The following UGGT2 variants were observed in gnomAD, a reference collection of about 807,000 sequenced individuals.
UGGT2 encodes the protein UDP-glucose:glycoprotein glucosyltransferase 2.
UGGT2 carries 180 observed loss-of-function variants against 192.1 expected under a neutral mutation model. That is an observed-to-expected ratio of 0.94 (90% CI 0.83 to 1.06). UGGT2 has a LOEUF of 1.06. Ranked by LOEUF, UGGT2 falls within the 50% of genes least tolerant of loss-of-function variation. The pLI is 0.00. For synonymous variants in UGGT2, 580 were observed against 591.0 expected (o/e 0.98, Z 0.27); for missense variants, 1,849 against 1,795.7 (o/e 1.03, Z -0.54).
rs9525086 is a variant in UGGT2, at chr13:95,927,208, T to G, written c.2101+5A>C. On this transcript the variant is annotated splice_donor_5th_base_variant and intron_variant, in intron 18 of 38. Coordinates refer to ENST00000376747, the MANE Select transcript of UGGT2 (RefSeq NM_020121.4). ...CATTTGTAGAACAGTATAGGATTAT[T>G]TTACCTGATGTAGATATTAAATTGA... is the stretch of plus-strand genomic sequence containing the variant. 6.2e-7 allele frequency: 1 copy of G among 1,610,562 alleles called. No homozygotes were observed. Among genetic ancestry groups the G allele is most frequent in the East Asian group, 2.2e-5 (1 of 44,710 alleles).
intron 4 of UGGT2, among the ~76,000 whole-genome samples, chr13:96,020,742 G>A (rs571238083): frequency 2.6e-5 from 4 of 152,200 alleles, no homozygotes; most frequent in African/African-American, 4.8e-5. Flanking sequence ...GGGCCCTTAC[G>A]AACTTCCTCT....
chr13:95,999,268 C>T lies in UGGT2; in HGVS notation c.700G>A (p.Val234Met), dbSNP rs769188689. The T allele has an allele frequency of 1.9e-6, 3 of 1,613,656 alleles. No individual in the cohort carries two copies. The highest frequency in any genetic ancestry group is 2.2e-5 in the East Asian group (1 of 44,794). ...TCTGTACTCTTAATTGCTAGCTCCA[C>T]ACCATACCCAGATAAGTACATTTTC... Reference protein sequence around the residue: ...SRKMYLSGYGVELAIKSTEYK... With the variant: ...SRKMYLSGYGMELAIKSTEYK... Residue 234 changes from valine (V) to methionine (M), a missense_variant, in exon 6 of 39, where the codon GTG becomes ATG. Val to Met is a conservative substitution (Grantham distance 21, BLOSUM62 1). Transcript: ENST00000376747.
At chr13:96,018,012 C>G (rs1024986828) in intron 4 of UGGT2, among the ~76,000 whole-genome samples, 1 of 152,164 alleles carries the variant, frequency 6.6e-6, no homozygotes, top group African/African-American at 2.4e-5. Context: ...AACTTTGTAT[C>G]ATACATAAAT....
chr13:95,938,471 G>C (rs2049543525), intron 16 of UGGT2, among the ~76,000 whole-genome samples: 1 of 152,172 alleles, frequency 6.6e-6, no homozygotes, highest in African/African-American at 2.4e-5. Context: ...AACAGATACA[G>C]AGAGATTAAA....
intron 7 of UGGT2, chr13:95,990,667 G>A (rs1219385768): frequency 6.6e-6 from 1 of 152,058 alleles, no homozygotes; most frequent in Non-Finnish European, 1.5e-5. Flanking sequence ...TGCCATTTCA[G>A]ATTTAAATGG....
At chr13:95,850,342 G>A (rs768801268) in intron 36 of UGGT2, among the ~76,000 whole-genome samples, 6 of 152,190 alleles carry the variant, frequency 3.9e-5, no homozygotes, top group Non-Finnish European at 8.8e-5. Context: ...AAAATAGGAG[G>A]ATTAAGGGCA....
intron 20 of UGGT2, among the ~76,000 whole-genome samples, chr13:95,919,876 A>C (rs1415418800): frequency 6.6e-6 from 1 of 152,224 alleles, no homozygotes; most frequent in Non-Finnish European, 1.5e-5. Flanking sequence ...TATGGAACCA[A>C]AAAAGAGCCC....
At position 95,867,388 on chromosome 13, in the gene UGGT2, T is replaced by A; in HGVS notation, c.3509A>T (p.Asp1170Val). 6.2e-7 allele frequency: 1 copy of A among 1,608,834 alleles called. No individual in the cohort carries two copies. The highest frequency in any genetic ancestry group is 1.1e-5 in the South Asian group (1 of 89,676). ...EGTDSQADLE[D>V]IIVVLNSFKS... ...GAAGCTGTTTAATACAACAATGATA[T>A]CTTCTAGGTCTGCTTGAGAGTCAGT... Residue 1170 changes from aspartate to valine, a missense_variant, in exon 30 of 39, where the codon GAT becomes GTT. Physicochemically the swap from Asp to Val is radical, Grantham distance 152. Coordinates refer to ENST00000376747, the MANE Select transcript of UGGT2 (RefSeq NM_020121.4).
chr13:95,911,136 G>T (rs1235543709), intron 20 of UGGT2, among the ~76,000 whole-genome samples: 2 of 152,156 alleles, frequency 1.3e-5, no homozygotes, highest in Non-Finnish European at 2.9e-5. Flanking sequence ...GAGAAAGCAG[G>T]AAAGATCTAA....
chr13:96,020,234 C>T (rs1381811758), intron 4 of UGGT2, among the ~76,000 whole-genome samples: 1 of 152,152 alleles, frequency 6.6e-6, no homozygotes, highest in Non-Finnish European at 1.5e-5. Context: ...CTCCATGGGT[C>T]AGGCATTCAG....
intron 36 of UGGT2, among the ~76,000 whole-genome samples, chr13:95,845,476 CG>C (rs1472610871): frequency 1.3e-5 from 2 of 149,802 alleles, no homozygotes; most frequent in East Asian, 3.9e-4. Flanking sequence ...TCAGAGAGCA[CG>C]GGGTTGGGGG....
At chr13:95,976,433 T>G (rs1034675896) in intron 10 of UGGT2, among the ~76,000 whole-genome samples, 3 of 152,162 alleles carry the variant, frequency 2.0e-5, no homozygotes, top group African/African-American at 7.2e-5. Context: ...TGGGTATATA[T>G]CCAGCAGTGG....
At chr13:95,867,307 C>A (rs1890757419) in intron 30 of UGGT2, 32 bp downstream of exon 30, 3 of 1,513,972 alleles carry the variant, frequency 2.0e-6, no homozygotes, top group East Asian at 2.3e-5. Flanking sequence ...ATATTAAGAA[C>A]AAAGCCTATA....
At chr13:95,909,493 A>G (rs1257452658) in intron 20 of UGGT2, among the ~76,000 whole-genome samples, 22 of 149,986 alleles carry the variant, frequency 1.5e-4, no homozygotes, top group Non-Finnish European at 3.1e-4. Flanking sequence ...TCAGTAAACT[A>G]TCGCAAGAAC....
chr13:96,010,451 A>G (rs1178626480), intron 5 of UGGT2, among the ~76,000 whole-genome samples: 1 of 152,198 alleles, frequency 6.6e-6, no homozygotes, highest in East Asian at 1.9e-4. Context: ...CTAATATGAC[A>G]GTTAATAGTA....
intron 5 of UGGT2, among the ~76,000 whole-genome samples, chr13:96,004,116 T>TGTAAGCAGCAAAGCTATCCCCAG (rs2051893706): frequency 4.0e-5 from 6 of 151,328 alleles, no homozygotes; most frequent in Admixed American, 6.6e-5. Context: ...GGATTCCCCA[T>TGTAAGCAGCAAAGCTATCCCCAG]GTAAGCAGCA....
At chr13:95,897,991 C>A (rs1465699691) in intron 22 of UGGT2, among the ~76,000 whole-genome samples, 1 of 152,052 alleles carries the variant, frequency 6.6e-6, no homozygotes, top group Non-Finnish European at 1.5e-5. Context: ...CACCTTGATC[C>A]ACAGTAACTC....
At chr13:96,008,515 A>G (rs1459193702) in intron 5 of UGGT2, among the ~76,000 whole-genome samples, 4 of 152,238 alleles carry the variant, frequency 2.6e-5, no homozygotes, top group Non-Finnish European at 2.9e-5. Context: ...TTGACCTGAT[A>G]AACAACTTCA....
rs1236912195 is a variant in UGGT2 at position 95,939,226 on chromosome 13, T to G, written c.1812+731A>C. Among the ~76,000 whole-genome samples the G allele has an allele frequency of 3.1e-4, 47 of 152,222 alleles. 1 individual carries two copies. The highest frequency in any genetic ancestry group is 3.1e-3 in the Admixed American group (47 of 15,282). ...TTTACATCTCAGAACACAATATTTT[T>G]CTGACTGGAATGTTAATCTCTTACA... On this transcript the variant is annotated intron_variant, in intron 16 of 38. Coordinates refer to ENST00000376747, the MANE Select transcript of UGGT2 (RefSeq NM_020121.4).
Sources: allele counts gnomAD v4.1 joint callset (sites outside exome capture counted in the v4.1 genomes callset), GRCh38; gene constraint gnomAD v4.1.1; transcripts MANE v1.5; gene names NCBI Gene and HGNC (gene_info 2026-07-23, HGNC 2026-07-21).